ZYG11A: variants seen among roughly 807,000 people sequenced by gnomAD.
ZYG11A encodes the protein protein zyg-11 homolog A.
A neutral mutation model predicts 77.2 loss-of-function variants in ZYG11A; 62 were observed. That is an observed-to-expected ratio of 0.80 (90% CI 0.65 to 0.99). The LOEUF (loss-of-function observed/expected upper bound fraction) is 0.99, where lower values mean the gene tolerates loss of function less well. Among genes scored for constraint, ZYG11A ranks in the 50% least tolerant of loss-of-function variants. The pLI, the probability that ZYG11A is intolerant of heterozygous loss-of-function variation, is 0.00. For missense variants in ZYG11A, 828 were observed against 896.8 expected (o/e 0.92, Z 0.98); for synonymous variants, 315 against 324.6 (o/e 0.97, Z 0.32).
In ZYG11A at chr1:52,846,700, T is replaced by C. The variant is rs543761236; in HGVS notation, c.90+3727T>C. 3.3e-5 allele frequency among the ~76,000 whole-genome samples: 5 copies of C among 152,206 alleles called. No individual in the cohort carries two copies. In the East Asian group the frequency reaches 7.7e-4, roughly 24 times the overall value. ...CATGCTCTGAGTTTTTAATTTTTTCTATGTGAATTAATGTGTATTTTAAAG... is the reference window on the plus strand; with the variant it reads ...CATGCTCTGAGTTTTTAATTTTTTCCATGTGAATTAATGTGTATTTTAAAG... On this transcript the variant is annotated intron_variant, in intron 1 of 13. Coordinates refer to ENST00000371528, the MANE Select transcript of ZYG11A (RefSeq NM_001004339.3).
intron 1 of ZYG11A, among the ~76,000 whole-genome samples, chr1:52,848,111 C>T (rs937766148): frequency 6.6e-6 from 1 of 152,096 alleles, no homozygotes; most frequent in Non-Finnish European, 1.5e-5. Context: ...CCTCGTGATC[C>T]GCCTGCCTCA....
chr1:52,877,097 C>A (rs1257786366), intron 8 of ZYG11A, among the ~76,000 whole-genome samples: 1 of 152,094 alleles, frequency 6.6e-6, no homozygotes, highest in Non-Finnish European at 1.5e-5. Flanking sequence ...CTGCCCCAAA[C>A]TTTGCCTGGC....
intron 1 of ZYG11A, among the ~76,000 whole-genome samples, chr1:52,846,122 T>G (rs1013305326): frequency 1.3e-5 from 2 of 151,462 alleles, no homozygotes; most frequent in African/African-American, 4.8e-5. Context: ...TTCTCTCCCT[T>G]TCTCCTTCTT....
chr1:52,860,777 G>A lies in ZYG11A; in HGVS notation c.1055G>A (p.Arg352Gln), dbSNP rs372845118. 4.5e-6 allele frequency: 7 copies of A among 1,551,600 alleles called. No homozygotes were observed. The highest frequency in any genetic ancestry group is 2.4e-5 in the South Asian group (2 of 84,046). The change falls in exon 4 of 14, where the codon CGA (arginine) becomes CAA (glutamine). Residue 352 changes from arginine to glutamine, a missense_variant. Transcript: ENST00000371528. ...SMSQISEALS[R>Q]YRNRSCFVKE... ...AGTCAGATTTCAGAAGCACTGAGCC[G>A]ATACAGGAACAGATCATGTTTTGTG...
At chr1:52,864,272 GTCTC>G (rs1308064907) in intron 5 of ZYG11A, 115 bp downstream of exon 5, 1 of 1,057,848 alleles carries the variant, frequency 9.5e-7, no homozygotes, top group African/African-American at 1.6e-5. Context: ...TAAAGACAGA[GTCTC>G]TCTCTGTCGC....
intron 11 of ZYG11A, among the ~76,000 whole-genome samples, chr1:52,882,816 C>G (rs1371144191): frequency 1.3e-5 from 2 of 151,824 alleles, no homozygotes; most frequent in Non-Finnish European, 2.9e-5. Context: ...AATGGCTTAC[C>G]CTGTGGGTTT....
chr1:52,847,876 A>ATTTT (rs765735622), intron 1 of ZYG11A, among the ~76,000 whole-genome samples: 14 of 114,694 alleles, frequency 1.2e-4, no homozygotes, highest in Middle Eastern at 4.1e-3. Flanking sequence ...TTATTTATTT[A>ATTTT]TTTATTTTTT....
chr1:52,885,956 A>G (rs1233956283), intron 12 of ZYG11A, 62 bp downstream of exon 12: 45 of 1,330,436 alleles, frequency 3.4e-5, no homozygotes, highest in Non-Finnish European at 4.0e-5. Context: ...TTTTTGAGAC[A>G]GAGTCTTGCT....
rs970187769 is a variant in ZYG11A, at chr1:52,881,633, G to A, written c.1912G>A (p.Asp638Asn). 6.4e-7 allele frequency: 1 copy of A among 1,552,232 alleles called. No individual in the cohort carries two copies. Among genetic ancestry groups the A allele is most frequent in the Non-Finnish European group, 8.7e-7 (1 of 1,147,096 alleles). The part of the protein sequence containing the change: ...TSDRQLWISR[D>N]FQRRTLLQDL... The stretch of plus-strand genomic sequence containing the variant: ...TGACAGACAGCTTTGGATATCCCGT[G>A]ACTTCCAGAGGCGTACTCTTCTCCA... The change falls in exon 11 of 14, where the codon GAC (aspartate) becomes AAC (asparagine). Residue 638 changes from aspartate to asparagine, a missense_variant. Asp to Asn is a conservative substitution (Grantham distance 23). Coordinates refer to ENST00000371528, the MANE Select transcript of ZYG11A (RefSeq NM_001004339.3).
chr1:52,859,770 C>T (rs1024351697), intron 3 of ZYG11A, among the ~76,000 whole-genome samples: 2 of 145,690 alleles, frequency 1.4e-5, no homozygotes, highest in African/African-American at 2.6e-5. Context: ...CTCTGCCTCC[C>T]GGGTTCAAGT....
At chr1:52,870,397 G>C (rs1266084877) in intron 8 of ZYG11A, among the ~76,000 whole-genome samples, 1 of 150,912 alleles carries the variant, frequency 6.6e-6, no homozygotes, top group Non-Finnish European at 1.5e-5. Context: ...AGGCAGAGGG[G>C]CTCCTCACAT....
At chr1:52,872,122 A>G (rs1015956544) in intron 8 of ZYG11A, among the ~76,000 whole-genome samples, 2 of 152,086 alleles carry the variant, frequency 1.3e-5, no homozygotes, top group African/African-American at 4.8e-5. Context: ...GATGTCAAGA[A>G]GGCAGTTTGA....
intron 4 of ZYG11A, among the ~76,000 whole-genome samples, chr1:52,863,740 TAAAG>T (rs1419188137): frequency 6.6e-6 from 1 of 152,182 alleles, no homozygotes; most frequent in African/African-American, 2.4e-5. Context: ...ATTTCACAGA[TAAAG>T]AAATAGAGGT....
chr1:52,845,346 C>T (rs1429301491), intron 1 of ZYG11A, among the ~76,000 whole-genome samples: 3 of 147,104 alleles, frequency 2.0e-5, no homozygotes, highest in Non-Finnish European at 4.5e-5. Context: ...TGCTCTGTCA[C>T]TCAGGCTGGA....
chr1:52,891,773 C>T (rs1463337534), intron 13 of ZYG11A, among the ~76,000 whole-genome samples: 1 of 151,904 alleles, frequency 6.6e-6, no homozygotes, highest in Non-Finnish European at 1.5e-5. Flanking sequence ...TTCTTTCTGC[C>T]GCAGGCTAAG....
intron 13 of ZYG11A, among the ~76,000 whole-genome samples, chr1:52,891,327 T>C (rs1171292576): frequency 6.7e-6 from 1 of 150,158 alleles, no homozygotes; most frequent in Non-Finnish European, 1.5e-5. Context: ...AATTATTTTG[T>C]GGTCTTTATC....
In ZYG11A at chr1:52,857,454, T is replaced by C; in HGVS notation, c.713T>C (p.Leu238Pro). 1 of 1,552,220 alleles carries C rather than the reference T, an allele frequency of 6.4e-7. No homozygotes were observed. The highest frequency in any genetic ancestry group is 8.7e-7 in the Non-Finnish European group (1 of 1,147,104). Residue 238 changes from leucine to proline, a missense_variant, in exon 3 of 14, where the codon CTG becomes CCG. Leu to Pro is a moderately conservative substitution (Grantham distance 98). Transcript: ENST00000371528. ...TTGAAGTCTCTCACAATGCACTATCTGAAATGCCTGGCCATGACCAAATCA... is the reference window on the plus strand; with the variant it reads ...TTGAAGTCTCTCACAATGCACTATCCGAAATGCCTGGCCATGACCAAATCA... ...DRLKSLTMHY[L>P]KCLAMTKSQI... is the part of the protein sequence containing the mutation.
At chr1:52,849,689 T>TG (rs1645668510) in intron 1 of ZYG11A, among the ~76,000 whole-genome samples, 6 of 64,736 alleles carry the variant, frequency 9.3e-5, no homozygotes, top group Non-Finnish European at 2.1e-4. Flanking sequence ...TATACATTTC[T>TG]TTTTTTTTTT....
Position 52,867,958 on chromosome 1 carries a change from C to CTTTTTTTTT in ZYG11A, c.1542+199_1542+207dup, listed in dbSNP as rs1050261180. On this transcript the variant is annotated intron_variant, in intron 8 of 13. Coordinates refer to ENST00000371528, the MANE Select transcript of ZYG11A (RefSeq NM_001004339.3). ...TCTTTTGGTATGTACCTCCACATTT[C>CTTTTTTTTT]TTTTTTTTTTTTTTTTTTTTTTTTT... Among the ~76,000 whole-genome samples, 5 of 98,178 alleles carry CTTTTTTTTT rather than the reference C, an allele frequency of 5.1e-5. 1 individual carries two copies. The highest frequency in any genetic ancestry group is 2.4e-4 in the African/African-American group (5 of 20,456). The allele number at this position is 98,178 out of a possible 152,430, so 64.4% of individuals were successfully genotyped here.
Sources: allele counts gnomAD v4.1 joint callset (sites outside exome capture counted in the v4.1 genomes callset), GRCh38; gene constraint gnomAD v4.1.1; transcripts MANE v1.5; gene names NCBI Gene and HGNC (gene_info 2026-07-23, HGNC 2026-07-21).